FBXL7: variants seen among roughly 807,000 people sequenced by gnomAD.
FBXL7 encodes F-box and leucine rich repeat protein 7.
A neutral mutation model predicts 38.3 loss-of-function variants in FBXL7; 12 were observed. The observed-to-expected ratio is 0.31, with a 90% CI of 0.20 to 0.51. FBXL7 has a LOEUF of 0.51. FBXL7 is among the 20% of genes least tolerant of loss of function. The pLI is 0.98. For missense variants in FBXL7, 567 were observed against 676.4 expected, an observed-to-expected ratio of 0.84 and a Z score of 1.79; for synonymous variants, 297 against 300.9, an observed-to-expected ratio of 0.99 and a Z score of 0.13.
intron 2 of FBXL7, among the ~76,000 whole-genome samples, chr5:15,873,111 C>T (rs1186862776): frequency 6.6e-6 from 1 of 152,136 alleles, no homozygotes; most frequent in Non-Finnish European, 1.5e-5. Flanking sequence ...CAAATTAGAA[C>T]TCAGGATTAA....
At chr5:15,732,158 A>C (rs1735605686) in intron 2 of FBXL7, among the ~76,000 whole-genome samples, 1 of 152,256 alleles carries the variant, frequency 6.6e-6, no homozygotes, top group Non-Finnish European at 1.5e-5. Flanking sequence ...AAAGTTAACC[A>C]AATAGCTCTT....
chr5:15,578,141 AAT>A (rs1354147452), intron 1 of FBXL7, among the ~76,000 whole-genome samples: 1 of 152,182 alleles, frequency 6.6e-6, no homozygotes, highest in Non-Finnish European at 1.5e-5. Flanking sequence ...CATAACATAA[AAT>A]GCTTCTTTAT....
chr5:15,503,582 C>T (rs150274819), intron 1 of FBXL7, among the ~76,000 whole-genome samples: 8 of 152,302 alleles, frequency 5.3e-5, no homozygotes, highest in African/African-American at 1.9e-4. Flanking sequence ...ACCTTACTTC[C>T]GATTTTTGTA....
chr5:15,824,704 C>G (rs1392604972), intron 2 of FBXL7, among the ~76,000 whole-genome samples: 1 of 152,078 alleles, frequency 6.6e-6, no homozygotes. Context: ...TTTGCTTGGT[C>G]TTAAAAAACC....
chr5:15,589,712 A>G (rs1304902689), intron 1 of FBXL7, among the ~76,000 whole-genome samples: 1 of 152,180 alleles, frequency 6.6e-6, no homozygotes, highest in African/African-American at 2.4e-5. Context: ...CTTAAAAGAG[A>G]GGGTACCTTG....
chr5:15,906,496 T>C (rs1191796345), intron 2 of FBXL7, among the ~76,000 whole-genome samples: 2 of 148,296 alleles, frequency 1.3e-5, no homozygotes, highest in Non-Finnish European at 2.9e-5. Context: ...TTTTTAGTTG[T>C]TCAGGATCCA....
intron 2 of FBXL7, among the ~76,000 whole-genome samples, chr5:15,644,541 A>C (rs1741470992): frequency 9.2e-6 from 1 of 108,858 alleles, no homozygotes; most frequent in African/African-American, 3.6e-5. Flanking sequence ...GGGGGGACAG[A>C]GAGAGAGAGA....
At chr5:15,912,509 T>G (rs1345803146) in intron 2 of FBXL7, among the ~76,000 whole-genome samples, 2 of 149,668 alleles carry the variant, frequency 1.3e-5, no homozygotes, top group Non-Finnish European at 2.9e-5. Context: ...CTGGGAGCTG[T>G]AGACCGGAGC....
chr5:15,598,659 A>C (rs1447658218), intron 1 of FBXL7, among the ~76,000 whole-genome samples: 2 of 152,108 alleles, frequency 1.3e-5, no homozygotes, highest in African/African-American at 4.8e-5. Flanking sequence ...TCTCCTTTGT[A>C]ATACAGTATG....
intron 1 of FBXL7, among the ~76,000 whole-genome samples, chr5:15,580,139 C>T (rs1031701184): frequency 6.6e-6 from 1 of 152,054 alleles, no homozygotes; most frequent in African/African-American, 2.4e-5. Flanking sequence ...ATGATGGAAT[C>T]AGTGTCCTTA....
At chr5:15,883,479 G>A (rs932431943) in intron 2 of FBXL7, among the ~76,000 whole-genome samples, 3 of 152,134 alleles carry the variant, frequency 2.0e-5, no homozygotes, top group South Asian at 4.1e-4. Flanking sequence ...CAAGTTTTAT[G>A]CATAACAATT....
chr5:15,849,438 G>A (rs1000662979), intron 2 of FBXL7, among the ~76,000 whole-genome samples: 1 of 152,158 alleles, frequency 6.6e-6, no homozygotes, highest in Admixed American at 6.5e-5. Flanking sequence ...TTGTAGGAGG[G>A]ACTTGATAGG....
intron 1 of FBXL7, among the ~76,000 whole-genome samples, chr5:15,558,199 A>G (rs1180672138): frequency 3.3e-5 from 5 of 152,222 alleles, no homozygotes; most frequent in Non-Finnish European, 7.3e-5. Context: ...TACAAAGGAA[A>G]AGAAATCACA....
At chr5:15,918,518 G>C (rs964772764) in intron 2 of FBXL7, among the ~76,000 whole-genome samples, 1 of 152,150 alleles carries the variant, frequency 6.6e-6, no homozygotes, top group Non-Finnish European at 1.5e-5. Flanking sequence ...TGGCTTAAAC[G>C]TTTCCTTAGC....
At chr5:15,617,094 T>C (rs981301046) in intron 2 of FBXL7, among the ~76,000 whole-genome samples, 4 of 152,252 alleles carry the variant, frequency 2.6e-5, no homozygotes, top group African/African-American at 7.2e-5. Flanking sequence ...TGTATTGTAA[T>C]TGTATGTGGT....
intron 2 of FBXL7, among the ~76,000 whole-genome samples, chr5:15,848,332 A>G (rs1463676676): frequency 6.6e-6 from 1 of 152,090 alleles, no homozygotes; most frequent in Non-Finnish European, 1.5e-5. Context: ...TGGCAGACAC[A>G]ACATTCTTTG....
chr5:15,831,965 G>T (rs543957026), intron 2 of FBXL7, among the ~76,000 whole-genome samples: 1 of 151,954 alleles, frequency 6.6e-6, no homozygotes, highest in African/African-American at 2.4e-5. Flanking sequence ...CCTTCCCATC[G>T]CTGGCCTTCA....
intron 2 of FBXL7, among the ~76,000 whole-genome samples, chr5:15,846,448 A>T (rs1738905454): frequency 6.6e-6 from 1 of 152,226 alleles, no homozygotes; most frequent in Non-Finnish European, 1.5e-5. Context: ...CTTTGAGCAA[A>T]CAGCAATTTA....
intron 2 of FBXL7, among the ~76,000 whole-genome samples, chr5:15,793,501 T>G (rs1737330567): frequency 6.6e-6 from 1 of 152,188 alleles, no homozygotes; most frequent in African/African-American, 2.4e-5. Flanking sequence ...ATGATCGTAT[T>G]CCAAGATCAT....
Sources: gnomAD v4.1 joint callset for allele counts (sites outside exome capture counted in the v4.1 genomes callset) on GRCh38, gnomAD v4.1.1 for gene constraint, MANE v1.5 for transcripts, NCBI Gene and HGNC (gene_info 2026-07-23, HGNC 2026-07-21) for gene names.